Variants in SIPA1L1 observed in about 807,000 individuals in gnomAD.
SIPA1L1 encodes signal-induced proliferation-associated 1-like protein 1.
A neutral mutation model predicts 162.7 loss-of-function variants in SIPA1L1; 26 were observed. The ratio of observed to expected loss-of-function variants is 0.16; its 90% confidence interval spans 0.12 to 0.22. The LOEUF (loss-of-function observed/expected upper bound fraction) is 0.22, where lower values mean the gene tolerates loss of function less well. Ranked by LOEUF, SIPA1L1 falls within the 10% of genes least tolerant of loss-of-function variation. The pLI, the probability that SIPA1L1 is intolerant of heterozygous loss-of-function variation, is 1.00. For missense variants in SIPA1L1, 1,874 were observed against 2,241.0 expected (o/e 0.84, Z 3.31); for synonymous variants, 829 against 837.4 (o/e 0.99, Z 0.17).
intron 4 of SIPA1L1, among the ~76,000 whole-genome samples, chr14:71,541,312 T>C (rs2054358554): frequency 6.6e-6 from 1 of 152,228 alleles, no homozygotes; most frequent in Non-Finnish European, 1.5e-5. Context: ...AATAATTGAC[T>C]AATGTAAGGA....
intron 17 of SIPA1L1, among the ~76,000 whole-genome samples, chr14:71,720,718 G>A (rs1018336197): frequency 5.9e-5 from 9 of 151,818 alleles, no homozygotes; most frequent in South Asian, 4.2e-4. Context: ...GATCAATTCC[G>A]CTGTTGAGAA....
chr14:71,676,441 GC>G (rs2045192268), intron 12 of SIPA1L1, among the ~76,000 whole-genome samples: 1 of 149,942 alleles, frequency 6.7e-6, no homozygotes, highest in African/African-American at 2.5e-5. Flanking sequence ...AACTTTCTGA[GC>G]CCCTACTAGG....
intron 2 of SIPA1L1, among the ~76,000 whole-genome samples, chr14:71,385,240 G>T (rs1170581651): frequency 6.6e-6 from 1 of 152,132 alleles, no homozygotes; most frequent in East Asian, 1.9e-4. Context: ...CCTCAACATG[G>T]TCAAGGTCAT....
At chr14:71,615,664 C>T (rs1466016462) in intron 5 of SIPA1L1, among the ~76,000 whole-genome samples, 2 of 152,140 alleles carry the variant, frequency 1.3e-5, no homozygotes, top group African/African-American at 4.8e-5. Flanking sequence ...GATAGGTTCA[C>T]TTTTGCAGAT....
intron 2 of SIPA1L1, among the ~76,000 whole-genome samples, chr14:71,323,866 A>C (rs1305905609): frequency 6.6e-6 from 1 of 152,154 alleles, no homozygotes; most frequent in Non-Finnish European, 1.5e-5. Context: ...CATTTGTAGT[A>C]ATATTTTCTG....
chr14:71,674,564 TTTTTTG>T (rs1566622828), intron 12 of SIPA1L1, among the ~76,000 whole-genome samples: 4 of 149,666 alleles, frequency 2.7e-5, no homozygotes, highest in African/African-American at 1.0e-4. Flanking sequence ...TTTTTTGTTT[TTTTTTG>T]TTTTTTTTTT....
intron 13 of SIPA1L1, among the ~76,000 whole-genome samples, chr14:71,692,458 G>A (rs1420174226): frequency 2.6e-5 from 4 of 152,314 alleles, no homozygotes; most frequent in South Asian, 4.1e-4. Context: ...GCAGAGGGCC[G>A]CATTTGACTT....
chr14:71,679,398 A>G (rs1035979990), intron 12 of SIPA1L1, among the ~76,000 whole-genome samples: 10 of 152,190 alleles, frequency 6.6e-5, no homozygotes, highest in Admixed American at 3.9e-4. Context: ...AGATTTTGTC[A>G]CCACCAGGCC....
intron 2 of SIPA1L1, among the ~76,000 whole-genome samples, chr14:71,339,385 C>A: frequency 6.9e-6 from 1 of 145,254 alleles, no homozygotes. Flanking sequence ...TTTTTTGGGA[C>A]AAAGTCTCGC....
intron 15 of SIPA1L1, among the ~76,000 whole-genome samples, chr14:71,703,083 C>CTA (rs1414999850): frequency 1.3e-5 from 2 of 152,140 alleles, no homozygotes; most frequent in African/African-American, 4.8e-5. Flanking sequence ...CCCTTTCTTT[C>CTA]TATATATATG....
chr14:71,702,537 G>A (rs1411569874), intron 15 of SIPA1L1, 32 bp downstream of exon 15: 2 of 1,606,714 alleles, frequency 1.2e-6, no homozygotes, highest in Non-Finnish European at 8.5e-7. Flanking sequence ...GAAGAAAGTT[G>A]CTTTTACAAG....
rs560826389 is a variant in SIPA1L1 at position 71,573,474 on chromosome 14, C to T, written c.-302-14097C>T. 3 of 440,772 alleles carry T rather than the reference C, an allele frequency of 6.8e-6. No individual in the cohort carries two copies. The Admixed American group carries it at 7.4e-5, about 11-fold the overall frequency. 27.3% of individuals were successfully genotyped at this position (440,772 alleles called of 1,614,324 possible). ...TTCACAGTGTGTCCTGTTTGATTGTCTTTTGGGAACCAAGGATGTGGAGAA... is the reference window on the plus strand; with the variant it reads ...TTCACAGTGTGTCCTGTTTGATTGTTTTTTGGGAACCAAGGATGTGGAGAA... On this transcript the variant is annotated intron_variant, in intron 4 of 23. Transcript: ENST00000381232.
rs78931689 is a variant in SIPA1L1, at chr14:71,473,007, G to A, written c.-464-39736G>A. ...ACTATAGGCGTTAGCCACAGCACCTGGCTTAATTTTCCACTTAAAATGGGT... is the reference window on the plus strand; with the variant it reads ...ACTATAGGCGTTAGCCACAGCACCTAGCTTAATTTTCCACTTAAAATGGGT... On this transcript the variant is annotated intron_variant, in intron 2 of 23. Transcript: ENST00000381232. Among the ~76,000 whole-genome samples, 39 of 151,778 alleles carry A rather than the reference G, an allele frequency of 2.6e-4. No homozygotes were observed. In the East Asian group the frequency reaches 7.6e-3, roughly 29 times the overall value.
At chr14:71,469,385 T>G (rs759928969) in intron 2 of SIPA1L1, among the ~76,000 whole-genome samples, 2 of 152,218 alleles carry the variant, frequency 1.3e-5, no homozygotes, top group Non-Finnish European at 2.9e-5. Context: ...TGCATTATTA[T>G]TTTTGTTTTA....
intron 3 of SIPA1L1, among the ~76,000 whole-genome samples, chr14:71,520,116 A>G (rs563083845): frequency 4.1e-4 from 62 of 152,296 alleles, no homozygotes; most frequent in African/African-American, 1.4e-3. Context: ...AAATGAAAAA[A>G]CAAATTTTTT....
At chr14:71,475,359 A>G (rs1424206498) in intron 2 of SIPA1L1, among the ~76,000 whole-genome samples, 3 of 152,206 alleles carry the variant, frequency 2.0e-5, no homozygotes, top group Non-Finnish European at 4.4e-5. Flanking sequence ...TATGTTTGTA[A>G]CTGATTTTTT....
chr14:71,664,069 A>G (rs1349287387), intron 10 of SIPA1L1, among the ~76,000 whole-genome samples: 1 of 152,214 alleles, frequency 6.6e-6, no homozygotes, highest in Non-Finnish European at 1.5e-5. Context: ...GACACAGAAT[A>G]AACAGGACAC....
At position 71,674,626 on chromosome 14, in the gene SIPA1L1, G is replaced by A. The variant is rs548884908; in HGVS notation, c.3104+2004G>A. On this transcript the variant is annotated intron_variant, in intron 12 of 23. Coordinates refer to ENST00000381232, the MANE Select transcript of SIPA1L1 (RefSeq NM_001386936.1). ...GTCGCCCAGGCTGGAGTGCAGTGGC[G>A]GGGTCTCGGCTCACTGCAAGCTCCG... Among the ~76,000 whole-genome samples, 7 of 149,158 alleles carry A rather than the reference G, an allele frequency of 4.7e-5. No homozygotes were observed. In the South Asian group the frequency reaches 8.4e-4, roughly 18 times the overall value.
chr14:71,732,777 A>G (rs2084919982), intron 20 of SIPA1L1, among the ~76,000 whole-genome samples: 1 of 152,122 alleles, frequency 6.6e-6, no homozygotes, highest in Non-Finnish European at 1.5e-5. Flanking sequence ...TGTCTGAGTA[A>G]CCCAGCACAC....
Sources: gnomAD v4.1 joint callset for allele counts (sites outside exome capture counted in the v4.1 genomes callset) on GRCh38, gnomAD v4.1.1 for gene constraint, MANE v1.5 for transcripts, NCBI Gene and HGNC (gene_info 2026-07-23, HGNC 2026-07-21) for gene names.